ANKRD30B: variants seen among roughly 807,000 people sequenced by gnomAD.
ANKRD30B encodes ankyrin repeat domain-containing protein 30B.
ANKRD30B carries 144 observed loss-of-function variants against 202.2 expected under a neutral mutation model. That is an observed-to-expected ratio of 0.71 (90% confidence interval 0.62 to 0.82). The LOEUF (loss-of-function observed/expected upper bound fraction) is 0.82. ANKRD30B is among the 40% of genes least tolerant of loss of function. ANKRD30B has a pLI of 0.00. For missense variants in ANKRD30B, 1,487 were observed against 1,669.1 expected, an observed-to-expected ratio of 0.89 and a Z score of 1.90; for synonymous variants, 508 against 561.3, an observed-to-expected ratio of 0.91 and a Z score of 1.34.
rs746326286 is a variant in ANKRD30B, at chr18:14,782,534, T to G, written c.1490T>G (p.Phe497Cys). The change falls in exon 12 of 44, where the codon TTT becomes TGT. Residue 497 changes from phenylalanine (F) to cysteine (C), a missense_variant. Transcript: ENST00000690538. ...EEYSWDSGSLFESSAKTQVCI... is the reference protein window; with the variant it reads ...EEYSWDSGSLCESSAKTQVCI... ...TGATACTACTTTTAACAGAGTCTCT[T>G]TGAGAGTTCTGCAAAGACTCAAGTG... 2.5e-6 allele frequency: 4 copies of G among 1,575,906 alleles called. 1 individual carries two copies. The South Asian group carries it at 4.8e-5, about 19-fold the overall frequency.
At chr18:14,799,712 A>G (rs10775422) in intron 22 of ANKRD30B, among the ~76,000 whole-genome samples, 76,979 of 151,836 alleles carry the variant, frequency 0.51, 19,825 homozygotes, top group Non-Finnish European at 0.53. Flanking sequence ...TCTAAAGAAA[A>G]TCAGTTTCTT....
chr18:14,842,956 A>G (rs1400517521), intron 38 of ANKRD30B, 31 bp downstream of exon 38: 1 of 1,547,632 alleles, frequency 6.5e-7, no homozygotes, highest in Non-Finnish European at 8.7e-7. Context: ...ATCTTGCATT[A>G]TTTATTAACT....
At chr18:14,853,535 C>CTTT (rs201106360) in intron 42 of ANKRD30B, among the ~76,000 whole-genome samples, 193 of 141,976 alleles carry the variant, frequency 1.4e-3, no homozygotes, top group African/African-American at 4.1e-3. Context: ...CTAGTCCTGC[C>CTTT]TTTTTTTTTT....
Position 14,784,196 on chromosome 18 carries a change from C to T in ANKRD30B, c.1571-140C>T, listed in dbSNP as rs1461451853. ...CTGTCATGTGTGTGTCCTAAACAAA[C>T]CAAAAGAAAACTTCCCAAATCTAAA... On this transcript the variant is annotated intron_variant, in intron 12 of 43. Coordinates refer to ENST00000690538, the MANE Select transcript of ANKRD30B (RefSeq NM_001367607.2). 6.0e-6 allele frequency: 5 copies of T among 836,034 alleles called. No homozygotes were observed. In the African/African-American group the frequency reaches 8.7e-5, roughly 14 times the overall value. The allele number at this position is 836,034 out of a possible 1,614,324, so 51.8% of individuals were successfully genotyped here.
chr18:14,791,262 A>G (rs1403709240), intron 15 of ANKRD30B, 139 bp from the exon 16 acceptor site: 3 of 641,360 alleles, frequency 4.7e-6, no homozygotes, highest in South Asian at 2.0e-5. Flanking sequence ...TTGATTTTCT[A>G]TACGTGTGTA....
chr18:14,889,938 C>T, the ANKRD30B span: 2,286 of 653,862 alleles, frequency 3.5e-3, 10 homozygotes, highest in Non-Finnish European at 5.3e-3. Flanking sequence ...TGAGATATTT[C>T]GACAAAAATG....
At chr18:14,798,533 C>T (rs71364877) in intron 20 of ANKRD30B, among the ~76,000 whole-genome samples, 14 of 152,196 alleles carry the variant, frequency 9.2e-5, no homozygotes, top group Admixed American at 3.3e-4. Flanking sequence ...GCTACACAAC[C>T]GGTTAGACCA....
chr18:14,820,405 C>T (rs1011024473), intron 30 of ANKRD30B, among the ~76,000 whole-genome samples: 1 of 152,096 alleles, frequency 6.6e-6, no homozygotes, highest in African/African-American at 2.4e-5. Context: ...CTATGTTGAA[C>T]AGGAGTGGTG....
the ANKRD30B span, among the ~76,000 whole-genome samples, chr18:14,908,390 T>A: frequency 1.3e-5 from 2 of 152,148 alleles, no homozygotes; most frequent in South Asian, 4.1e-4. Flanking sequence ...GCAGGCCCTC[T>A]CATCAGCCAA....
intron 30 of ANKRD30B, among the ~76,000 whole-genome samples, chr18:14,818,327 C>T (rs987037545): frequency 2.6e-5 from 4 of 152,010 alleles, no homozygotes; most frequent in Non-Finnish European, 5.9e-5. Flanking sequence ...TGGAAATTGA[C>T]TTCTAATTTT....
chr18:14,852,904 T>C (rs1410802753), intron 42 of ANKRD30B, among the ~76,000 whole-genome samples: 2 of 152,162 alleles, frequency 1.3e-5, no homozygotes, highest in Non-Finnish European at 2.9e-5. Context: ...AATAACACTT[T>C]TTAAGTAGCT....
the ANKRD30B span, among the ~76,000 whole-genome samples, chr18:14,885,495 GC>G: frequency 6.6e-6 from 1 of 151,892 alleles, no homozygotes; most frequent in African/African-American, 2.4e-5. Flanking sequence ...TCTGTGGTGG[GC>G]CCCCTTTGCA....
the ANKRD30B span, among the ~76,000 whole-genome samples, chr18:14,934,946 A>ACACC: frequency 7.2e-6 from 1 of 138,990 alleles, no homozygotes; most frequent in Non-Finnish European, 1.5e-5. Context: ...ACACACACAC[A>ACACC]CACCCCATCG....
chr18:14,913,804 G>T, the ANKRD30B span, among the ~76,000 whole-genome samples: 1 of 152,144 alleles, frequency 6.6e-6, no homozygotes, highest in Non-Finnish European at 1.5e-5. Flanking sequence ...TTCCCATGTG[G>T]TTTACTCTCC....
chr18:14,911,596 T>C, the ANKRD30B span, among the ~76,000 whole-genome samples: 14 of 124,756 alleles, frequency 1.1e-4, no homozygotes, highest in East Asian at 2.2e-3. Flanking sequence ...CATGATTGCT[T>C]TGGATATTCA....
the ANKRD30B span, among the ~76,000 whole-genome samples, chr18:14,862,460 TA>T: frequency 2.2e-3 from 342 of 152,118 alleles, 1 homozygote; most frequent in African/African-American, 7.8e-3. Flanking sequence ...ACCACTGACA[TA>T]AAAAAAGATC....
chr18:14,823,872 G>C (rs1481516626), intron 32 of ANKRD30B, among the ~76,000 whole-genome samples: 1 of 152,128 alleles, frequency 6.6e-6, no homozygotes, highest in Admixed American at 6.5e-5. Context: ...CTACTCTTGA[G>C]GCTGAGGCAG....
intron 24 of ANKRD30B, among the ~76,000 whole-genome samples, chr18:14,805,971 A>G (rs949673469): frequency 6.6e-6 from 1 of 150,602 alleles, no homozygotes; most frequent in Non-Finnish European, 1.5e-5. Flanking sequence ...CTGTAATCCC[A>G]GCACTTTGGG....
At chr18:14,899,776 T>G in the ANKRD30B span, among the ~76,000 whole-genome samples, 2 of 152,134 alleles carry the variant, frequency 1.3e-5, no homozygotes, top group Non-Finnish European at 2.9e-5. Context: ...AAAAGCAAAT[T>G]TTGGAGTTAT....
Sources: allele counts gnomAD v4.1 joint callset (sites outside exome capture counted in the v4.1 genomes callset), GRCh38; gene constraint gnomAD v4.1.1; transcripts MANE v1.5; gene names NCBI Gene and HGNC (gene_info 2026-07-23, HGNC 2026-07-21).